The following SUGCT variants were observed in gnomAD, a reference collection of about 807,000 sequenced individuals.
SUGCT encodes succinyl-CoA:glutarate CoA-transferase.
Under a neutral mutation model 55.0 loss-of-function variants are expected in SUGCT, and 41 were observed. The observed-to-expected ratio is 0.74, with a 90% CI of 0.58 to 0.97. The LOEUF is 0.97. Ranked by LOEUF, SUGCT falls within the 50% of genes least tolerant of loss-of-function variation. The pLI is 0.00. For synonymous variants in SUGCT, 187 were observed against 200.4 expected (o/e 0.93, Z 0.56); for missense variants, 568 against 547.8 (o/e 1.04, Z -0.37).
At chr7:40,615,992 A>G (rs1798984669) in intron 12 of SUGCT, among the ~76,000 whole-genome samples, 1 of 152,222 alleles carries the variant, frequency 6.6e-6, no homozygotes, top group African/African-American at 2.4e-5. Flanking sequence ...TCTTGGAAAC[A>G]TCACCTGTTT....
In SUGCT at chr7:40,215,221, C is replaced by T. The variant is rs369351623; in HGVS notation, c.484+20161C>T. 3.9e-4 allele frequency among the ~76,000 whole-genome samples: 59 copies of T among 152,276 alleles called. 1 individual carries two copies. In the South Asian group the frequency reaches 0.012, roughly 31 times the overall value. The stretch of plus-strand genomic sequence containing the variant: ...GCAGTGGAGCGATTATGACTCACTG[C>T]AGCCTTGAGCTCCTGGGCTCAAACG... On this transcript the variant is annotated intron_variant, in intron 6 of 13. Transcript: ENST00000335693.
the SUGCT span, among the ~76,000 whole-genome samples, chr7:40,893,766 C>G: frequency 6.6e-6 from 1 of 152,082 alleles, no homozygotes; most frequent in African/African-American, 2.4e-5. Flanking sequence ...TGACTTCAAA[C>G]TATACTACAA....
chr7:40,321,938 G>T (rs1195932776), intron 9 of SUGCT, among the ~76,000 whole-genome samples: 1 of 152,048 alleles, frequency 6.6e-6, no homozygotes, highest in Admixed American at 6.5e-5. Context: ...TTTCCTTTGG[G>T]CAGGTATCCA....
chr7:40,530,775 A>G (rs945917486), intron 12 of SUGCT, among the ~76,000 whole-genome samples: 10 of 152,362 alleles, frequency 6.6e-5, no homozygotes, highest in Admixed American at 3.9e-4. Context: ...AATCTAAACT[A>G]AATCCCTTCT....
intron 7 of SUGCT, among the ~76,000 whole-genome samples, chr7:40,246,124 C>T (rs1014184174): frequency 1.1e-4 from 16 of 152,262 alleles, no homozygotes; most frequent in Admixed American, 1.0e-3. Context: ...CAGCATATTT[C>T]CATCACTCCA....
At chr7:40,516,862 A>G (rs1793264056) in intron 12 of SUGCT, among the ~76,000 whole-genome samples, 1 of 152,008 alleles carries the variant, frequency 6.6e-6, no homozygotes, top group Non-Finnish European at 1.5e-5. Flanking sequence ...ATTTCTTGTA[A>G]GAATCCAGCT....
At chr7:40,294,456 G>T (rs907455681) in intron 8 of SUGCT, among the ~76,000 whole-genome samples, 4 of 152,180 alleles carry the variant, frequency 2.6e-5, no homozygotes, top group African/African-American at 9.6e-5. Context: ...TGAACCTCAA[G>T]TTAGATTCCG....
chr7:40,717,498 C>A (rs1399295289), intron 12 of SUGCT, among the ~76,000 whole-genome samples: 1 of 152,188 alleles, frequency 6.6e-6, no homozygotes, highest in Non-Finnish European at 1.5e-5. Flanking sequence ...TGTGGGCATG[C>A]CCAGACAAGC....
intron 12 of SUGCT, among the ~76,000 whole-genome samples, chr7:40,729,630 C>T (rs1357710857): frequency 6.6e-6 from 1 of 152,036 alleles, no homozygotes; most frequent in Non-Finnish European, 1.5e-5. Context: ...AAAAGTAGTC[C>T]AGGGTGGGAA....
At chr7:40,568,686 C>G (rs1329263511) in intron 12 of SUGCT, among the ~76,000 whole-genome samples, 2 of 152,074 alleles carry the variant, frequency 1.3e-5, no homozygotes, top group Non-Finnish European at 2.9e-5. Flanking sequence ...TCTTGGGAAA[C>G]CCAGGACATA....
At chr7:40,364,799 C>A (rs1783840378) in intron 9 of SUGCT, among the ~76,000 whole-genome samples, 1 of 151,958 alleles carries the variant, frequency 6.6e-6, no homozygotes, top group South Asian at 2.1e-4. Context: ...GAGTCCAGGA[C>A]CAGATGGATT....
At chr7:40,537,076 C>G (rs1001598731) in intron 12 of SUGCT, among the ~76,000 whole-genome samples, 1 of 152,132 alleles carries the variant, frequency 6.6e-6, no homozygotes, top group Non-Finnish European at 1.5e-5. Context: ...CTGGAAATCG[C>G]TTTTGGTTTC....
At chr7:40,869,623 G>C in the SUGCT span, among the ~76,000 whole-genome samples, 1 of 152,132 alleles carries the variant, frequency 6.6e-6, no homozygotes, top group African/African-American at 2.4e-5. Context: ...TCTAAGCTAG[G>C]AGTAATTTGC....
chr7:40,695,167 T>TTTTA (rs71560200), intron 12 of SUGCT, among the ~76,000 whole-genome samples: 44,564 of 135,356 alleles, frequency 0.33, 7,871 homozygotes, highest in Middle Eastern at 0.4. Flanking sequence ...AAACCCTTAT[T>TTTTA]TTTATTTATT....
chr7:40,815,664 G>A (rs1197821991), intron 13 of SUGCT, among the ~76,000 whole-genome samples: 1 of 152,136 alleles, frequency 6.6e-6, no homozygotes, highest in Non-Finnish European at 1.5e-5. Flanking sequence ...CATAGGAAGG[G>A]TGGGGTAGTT....
At chr7:40,332,455 GTT>G (rs376638391) in intron 9 of SUGCT, among the ~76,000 whole-genome samples, 1,625 of 129,356 alleles carry the variant, frequency 0.013, 21 homozygotes, top group African/African-American at 0.045. Context: ...TTTTTTTTTT[GTT>G]TTTTTTTTTT....
chr7:40,394,590 A>T (rs989325449), intron 9 of SUGCT, among the ~76,000 whole-genome samples: 8 of 152,208 alleles, frequency 5.3e-5, no homozygotes, highest in Non-Finnish European at 1.0e-4. Context: ...ATGCAGTGTT[A>T]ACTATCGTCA....
At chr7:40,146,484 A>G (rs976923101) in intron 1 of SUGCT, among the ~76,000 whole-genome samples, 1 of 152,242 alleles carries the variant, frequency 6.6e-6, no homozygotes, top group African/African-American at 2.4e-5. Flanking sequence ...AGATTTACCC[A>G]CATATTTATT....
At chr7:40,714,543 A>G (rs1458163146) in intron 12 of SUGCT, among the ~76,000 whole-genome samples, 1 of 152,152 alleles carries the variant, frequency 6.6e-6, no homozygotes, top group Non-Finnish European at 1.5e-5. Flanking sequence ...GCCTCTCTCC[A>G]GCCCTTACTC....
Sources: allele counts gnomAD v4.1 joint callset (sites outside exome capture counted in the v4.1 genomes callset), GRCh38; gene constraint gnomAD v4.1.1; transcripts MANE v1.5; gene names NCBI Gene and HGNC (gene_info 2026-07-23, HGNC 2026-07-21).